Variants in SLC8A3 observed in about 807,000 individuals in gnomAD.
The protein encoded by SLC8A3 is sodium/calcium exchanger 3.
A neutral mutation model predicts 65.4 loss-of-function variants in SLC8A3; 37 were observed. The observed-to-expected ratio is 0.57, with a 90% confidence interval of 0.44 to 0.74. The LOEUF is 0.74. SLC8A3 is among the 30% of genes least tolerant of loss of function. The pLI is 0.00. For missense variants in SLC8A3, 1,112 were observed against 1,172.1 expected (o/e 0.95, Z 0.75); for synonymous variants, 461 against 444.5 (o/e 1.04, Z -0.47).
intron 2 of SLC8A3, among the ~76,000 whole-genome samples, chr14:70,163,706 T>G (rs1464176866): frequency 6.6e-6 from 1 of 152,198 alleles, no homozygotes; most frequent in African/African-American, 2.4e-5. Context: ...AAACCACTTC[T>G]TTGCTGGGTC....
chr14:70,139,380 G>A (rs1895418555), intron 2 of SLC8A3, among the ~76,000 whole-genome samples: 1 of 152,214 alleles, frequency 6.6e-6, no homozygotes, highest in Non-Finnish European at 1.5e-5. Flanking sequence ...CTGGTAACTT[G>A]CAAGCCCTCT....
intron 5 of SLC8A3, among the ~76,000 whole-genome samples, chr14:70,050,257 A>G (rs1271283742): frequency 6.6e-6 from 1 of 151,864 alleles, no homozygotes; most frequent in Non-Finnish European, 1.5e-5. Context: ...GTGGGGTAGC[A>G]GCAGCAGCAG....
At position 70,166,954 on chromosome 14, in the gene SLC8A3, T is replaced by G; in HGVS notation, c.1469A>C (p.Glu490Ala). ...FFVRLSNVRI[E>A]EEQPEEGMPP... ...CATCCCCTCCTCTGGCTGCTCCTCCTCTATGCGGACATTGCTCAACCTTAC... is the reference window on the plus strand; with the variant it reads ...CATCCCCTCCTCTGGCTGCTCCTCCGCTATGCGGACATTGCTCAACCTTAC... The change falls in exon 2 of 7, where the codon GAG becomes GCG. Residue 490 changes from glutamate (E) to alanine (A), a missense_variant. Physicochemically the swap from Glu to Ala is moderately radical, Grantham distance 107. Coordinates refer to ENST00000356921, the MANE Select transcript of SLC8A3 (RefSeq NM_182932.3). 1 of 1,614,202 alleles carries G rather than the reference T, an allele frequency of 6.2e-7. No homozygotes were observed. The highest frequency in any genetic ancestry group is 8.5e-7 in the Non-Finnish European group (1 of 1,180,032).
At chr14:70,088,782 A>G (rs576383346) in intron 2 of SLC8A3, among the ~76,000 whole-genome samples, 1 of 152,038 alleles carries the variant, frequency 6.6e-6, no homozygotes, top group Non-Finnish European at 1.5e-5. Flanking sequence ...TTTAATCCCT[A>G]TGTCAGTGGA....
intron 2 of SLC8A3, among the ~76,000 whole-genome samples, chr14:70,073,263 C>T (rs149105266): frequency 1.1e-3 from 164 of 152,288 alleles, no homozygotes; most frequent in Admixed American, 2.1e-3. Flanking sequence ...AAAGTAGTCT[C>T]TGTATGAGTG....
At chr14:70,066,887 A>G (rs1173961931) in intron 2 of SLC8A3, among the ~76,000 whole-genome samples, 1 of 152,156 alleles carries the variant, frequency 6.6e-6, no homozygotes, top group Non-Finnish European at 1.5e-5. Flanking sequence ...GCCTCCTAAG[A>G]GATTTTCCTG....
chr14:70,094,350 G>A (rs1034447566), intron 2 of SLC8A3, among the ~76,000 whole-genome samples: 2 of 152,176 alleles, frequency 1.3e-5, no homozygotes, highest in Non-Finnish European at 2.9e-5. Context: ...GCTGATGGTT[G>A]GGTAGCTGCC....
intron 2 of SLC8A3, among the ~76,000 whole-genome samples, chr14:70,119,191 T>TCC (rs11444472): frequency 2.6e-4 from 39 of 151,128 alleles, no homozygotes; most frequent in African/African-American, 9.0e-4. Flanking sequence ...AGCACTCTTT[T>TCC]CCCCCCACCC....
chr14:70,144,331 T>TAAA (rs1164198147), intron 2 of SLC8A3, among the ~76,000 whole-genome samples: 5 of 66,936 alleles, frequency 7.5e-5, no homozygotes, highest in South Asian at 6.7e-4. Flanking sequence ...TTTTTTTTTT[T>TAAA]AAAAAAAAAA....
At chr14:70,049,341 AAGG>A (rs1205465344) in intron 5 of SLC8A3, among the ~76,000 whole-genome samples, 3 of 152,178 alleles carry the variant, frequency 2.0e-5, no homozygotes, top group African/African-American at 7.2e-5. Context: ...AGCAGAAAGA[AAGG>A]AGGATGCAAA....
At chr14:70,056,151 C>G (rs756734901) in intron 3 of SLC8A3, among the ~76,000 whole-genome samples, 1 of 152,176 alleles carries the variant, frequency 6.6e-6, no homozygotes, top group East Asian at 1.9e-4. Flanking sequence ...TGTAGGATAC[C>G]AGGTTATCAC....
intron 2 of SLC8A3, among the ~76,000 whole-genome samples, chr14:70,099,510 A>C (rs866599754): frequency 6.6e-6 from 1 of 152,202 alleles, no homozygotes; most frequent in Non-Finnish European, 1.5e-5. Context: ...CAGTTTTCCC[A>C]ATTGTAAAGT....
chr14:70,155,271 T>A (rs941116145), intron 2 of SLC8A3, among the ~76,000 whole-genome samples: 11 of 152,166 alleles, frequency 7.2e-5, no homozygotes, highest in African/African-American at 1.4e-4. Context: ...TATTTTTTTT[T>A]AAATATACAC....
At chr14:70,109,436 T>C (rs566680415) in intron 2 of SLC8A3, among the ~76,000 whole-genome samples, 3 of 127,282 alleles carry the variant, frequency 2.4e-5, no homozygotes, top group African/African-American at 8.8e-5. Flanking sequence ...TATATATACA[T>C]GTATATGTAC....
rs750979985 is a variant in SLC8A3, at chr14:70,060,827, A to T, written c.1888+9T>A. On this transcript the variant is annotated intron_variant, in intron 3 of 6. Coordinates refer to ENST00000356921, the MANE Select transcript of SLC8A3 (RefSeq NM_182932.3). ...TTTTTTGTTGTTTTGTTTTTAAAGAATCTCACACCTGATATTCCACGTTCC... is the reference window on the plus strand; with the variant it reads ...TTTTTTGTTGTTTTGTTTTTAAAGATTCTCACACCTGATATTCCACGTTCC... The T allele has an allele frequency of 7.6e-6, 10 of 1,311,874 alleles. No homozygotes were observed. In the South Asian group the frequency reaches 8.9e-5, roughly 12 times the overall value. 81.3% of individuals were successfully genotyped at this position (1,311,874 alleles called of 1,614,324 possible). A position where few individuals can be genotyped will look rare whatever the true frequency, so the allele number is the denominator to read the frequency against.
At chr14:70,049,826 G>A (rs941707935) in intron 5 of SLC8A3, among the ~76,000 whole-genome samples, 4 of 152,186 alleles carry the variant, frequency 2.6e-5, no homozygotes, top group African/African-American at 9.7e-5. Flanking sequence ...TCCAGATCAC[G>A]AGAATATACT....
chr14:70,177,628 C>T, intron 1 of SLC8A3, among the ~76,000 whole-genome samples: 1 of 152,128 alleles, frequency 6.6e-6, no homozygotes, highest in Non-Finnish European at 1.5e-5. Flanking sequence ...GGCATGGAAG[C>T]CCGAACAAGC....
chr14:70,122,347 A>T (rs538154605), intron 2 of SLC8A3, among the ~76,000 whole-genome samples: 1 of 152,312 alleles, frequency 6.6e-6, no homozygotes, highest in East Asian at 1.9e-4. Context: ...TTTCTGACTC[A>T]GACACACCCA....
chr14:70,064,969 G>C (rs1392369510), intron 2 of SLC8A3, among the ~76,000 whole-genome samples: 1 of 152,050 alleles, frequency 6.6e-6, no homozygotes, highest in Non-Finnish European at 1.5e-5. Context: ...AAGATGTTTA[G>C]ACCTCTCCCG....
Sources: gnomAD v4.1 joint callset for allele counts (sites outside exome capture counted in the v4.1 genomes callset) on GRCh38, gnomAD v4.1.1 for gene constraint, MANE v1.5 for transcripts, NCBI Gene and HGNC (gene_info 2026-07-23, HGNC 2026-07-21) for gene names.